Variants in TMEM221 observed in about 807,000 individuals in gnomAD.
TMEM221 encodes the protein transmembrane protein 221.
In TMEM221, 11 loss-of-function variants were observed where a neutral mutation model predicts 10.2. That is an observed-to-expected ratio of 1.08 (90% confidence interval 0.68 to 1.79). The LOEUF is 1.79. TMEM221 is among the 40% of genes most tolerant of loss of function. The pLI is 0.00. For missense variants in TMEM221, 382 were observed against 417.7 expected, an observed-to-expected ratio of 0.91 and a Z score of 0.75; for synonymous variants, 172 against 199.8, an observed-to-expected ratio of 0.86 and a Z score of 1.18.
chr19:17,448,399 C>G lies in TMEM221; in HGVS notation c.64G>C (p.Val22Leu). ...AGCTGCGCGCCCAGCGCCGCCAGCA[C>G]GGCCGCCGCGATGCCCAGCAGGGTC... ...AMTLLGIAAA[V>L]LAALGAQLLF... Residue 22 changes from valine to leucine, a missense_variant, in exon 1 of 3, where the codon GTG becomes CTG. By Grantham distance (32) the Val-to-Leu change is conservative. Coordinates refer to ENST00000341130, the MANE Select transcript of TMEM221 (RefSeq NM_001190844.2). This position sits in a 1 kb window ranked among gnomAD's most constrained non-coding sequence, Gnocchi z 4.7. The G allele has an allele frequency of 1.4e-6, 2 of 1,460,142 alleles. No individual in the cohort carries two copies. The highest frequency in any genetic ancestry group is 1.8e-6 in the Non-Finnish European group (2 of 1,111,432). The allele number at this position is 1,460,142 out of a possible 1,614,324, so 90.4% of individuals were successfully genotyped here.
chr19:17,443,082 C>G (rs902749127), intron 2 of TMEM221, among the ~76,000 whole-genome samples: 3 of 151,688 alleles, frequency 2.0e-5, no homozygotes, highest in African/African-American at 4.8e-5. Context: ...AGATCGTAGA[C>G]CATCCTGGCT....
chr19:17,448,544 G>A lies in TMEM221; in HGVS notation c.-82C>T, dbSNP rs1252714306. ...GCAGGGGAGTTGGGGGGAATCCGAG[G>A]GTCCTCAGGGGGTCCCCGAGGGGGC... On this transcript the variant is annotated 5_prime_UTR_variant, in exon 1 of 3. Coordinates refer to ENST00000341130, the MANE Select transcript of TMEM221 (RefSeq NM_001190844.2). The surrounding 1 kb of genome is among the most constrained non-coding windows in gnomAD (Gnocchi z 4.7). 1.8e-6 allele frequency: 2 copies of A among 1,137,674 alleles called. No individual in the cohort carries two copies. The highest frequency in any genetic ancestry group is 1.1e-6 in the Non-Finnish European group (1 of 869,596). 70.5% of individuals were successfully genotyped at this position (1,137,674 alleles called of 1,614,324 possible).
chr19:17,441,211 G>GAAAAAA (rs569733675), intron 2 of TMEM221, among the ~76,000 whole-genome samples: 2 of 51,782 alleles, frequency 3.9e-5, no homozygotes, highest in Non-Finnish European at 1.0e-4. Flanking sequence ...CCATCTCAGA[G>GAAAAAA]AAAAAAAAAA....
chr19:17,436,879 G>A lies in TMEM221; in HGVS notation c.455C>T (p.Ala152Val). The change falls in exon 3 of 3, where the codon GCA becomes GTA. Residue 152 changes from alanine to valine, a missense_variant. Physicochemically the swap from Ala to Val is moderately conservative, Grantham distance 64. Coordinates refer to ENST00000341130, the MANE Select transcript of TMEM221 (RefSeq NM_001190844.2). ...LLLFEIETGA[A>V]AASILGSGTL... ...GCCCGAGCCGAGGATGGAAGCAGCT[G>A]CTGCGCCTGTCTCGATCTCGAAAAG... The A allele has an allele frequency of 6.9e-7, 1 of 1,442,366 alleles. No homozygotes were observed. Among genetic ancestry groups the A allele is most frequent in the East Asian group, 2.5e-5 (1 of 39,900 alleles). The allele number at this position is 1,442,366 out of a possible 1,614,324, so 89.3% of individuals were successfully genotyped here.
intron 1 of TMEM221, among the ~76,000 whole-genome samples, chr19:17,446,720 G>A (rs1211177647): frequency 7.2e-5 from 11 of 151,838 alleles, no homozygotes; most frequent in Admixed American, 7.2e-4. Context: ...ATTACCATCT[G>A]CTATTATTAT....
At chr19:17,441,980 G>A (rs73517972) in intron 2 of TMEM221, among the ~76,000 whole-genome samples, 9,653 of 152,076 alleles carry the variant, frequency 0.063, 934 homozygotes, top group African/African-American at 0.21. Context: ...CTAAATGGGA[G>A]GTGAATGAAT....
At chr19:17,444,214 G>A (rs1174092532) in intron 2 of TMEM221, among the ~76,000 whole-genome samples, 1 of 150,380 alleles carries the variant, frequency 6.6e-6, no homozygotes, top group Non-Finnish European at 1.5e-5. Context: ...CTGAGTGGCT[G>A]ATATTATAGG....
intron 2 of TMEM221, among the ~76,000 whole-genome samples, chr19:17,437,292 G>A (rs899282387): frequency 6.6e-6 from 1 of 152,230 alleles, no homozygotes; most frequent in Admixed American, 6.5e-5. Flanking sequence ...GCTTCCCTGA[G>A]GAGGAGCTAT....
intron 2 of TMEM221, among the ~76,000 whole-genome samples, chr19:17,443,958 C>T (rs2074941848): frequency 6.9e-6 from 1 of 144,238 alleles, no homozygotes; most frequent in African/African-American, 2.5e-5. Flanking sequence ...CAGTGTGATG[C>T]GTTCCAGCAT....
chr19:17,439,322 C>T (rs921550924), intron 2 of TMEM221, among the ~76,000 whole-genome samples: 2 of 151,872 alleles, frequency 1.3e-5, no homozygotes, highest in Non-Finnish European at 2.9e-5. Context: ...AGGAAAACAT[C>T]GTTCTGAGTG....
At position 17,448,546 on chromosome 19, in the gene TMEM221, T is replaced by C; in HGVS notation, c.-84A>G. ...AGGGGAGTTGGGGGGAATCCGAGGG[T>C]CCTCAGGGGGTCCCCGAGGGGGCGG... On this transcript the variant is annotated 5_prime_UTR_variant, in exon 1 of 3. Transcript: ENST00000341130. This position sits in a 1 kb window ranked among gnomAD's most constrained non-coding sequence, Gnocchi z 4.7. 2 of 927,314 alleles carry C rather than the reference T, an allele frequency of 2.2e-6. No individual in the cohort carries two copies. The highest frequency in any genetic ancestry group is 5.8e-5 in the East Asian group (1 of 17,278). The allele number at this position is 927,314 out of a possible 1,614,324, so 57.4% of individuals were successfully genotyped here.
intron 2 of TMEM221, among the ~76,000 whole-genome samples, chr19:17,442,445 T>TC (rs1303459878): frequency 2.0e-5 from 3 of 146,458 alleles, no homozygotes; most frequent in Non-Finnish European, 4.6e-5. Context: ...TTTCTTTCTT[T>TC]TTTTTTTTTT....
intron 1 of TMEM221, among the ~76,000 whole-genome samples, chr19:17,447,931 C>T (rs1361297482): frequency 6.6e-6 from 1 of 152,102 alleles, no homozygotes; most frequent in Non-Finnish European, 1.5e-5. Context: ...AGTGGTTGCA[C>T]CTGCTGCAAA....
Position 17,436,810 on chromosome 19 carries a change from G to A in TMEM221, c.524C>T (p.Ala175Val). 1 of 1,507,238 alleles carries A rather than the reference G, an allele frequency of 6.6e-7. No individual in the cohort carries two copies. The highest frequency in any genetic ancestry group is 1.3e-5 in the South Asian group (1 of 79,780). The allele number at this position is 1,507,238 out of a possible 1,614,324, so 93.4% of individuals were successfully genotyped here. ...VAVLTHTLLR[A>V]ARAARRGLHE... ...GAGCCCACGGCGGGCAGCCCGGGCA[G>A]CCCGGAGGAGAGTGTGGGTCAGCAC... is the stretch of plus-strand genomic sequence containing the variant. Residue 175 changes from alanine (A) to valine (V), a missense_variant, in exon 3 of 3, where the codon GCT (alanine) becomes GTT (valine). By Grantham distance (64) the Ala-to-Val change is moderately conservative. Coordinates refer to ENST00000341130, the MANE Select transcript of TMEM221 (RefSeq NM_001190844.2).
chr19:17,446,205 T>TCCATCCATCC (rs1568399303), intron 1 of TMEM221, among the ~76,000 whole-genome samples: 13 of 110,546 alleles, frequency 1.2e-4, no homozygotes, highest in African/African-American at 2.9e-4. Context: ...TCCATCCATC[T>TCCATCCATCC]ATCCATCCAT....
At chr19:17,441,534 G>A (rs1301080773) in intron 2 of TMEM221, among the ~76,000 whole-genome samples, 1 of 152,194 alleles carries the variant, frequency 6.6e-6, no homozygotes, top group Non-Finnish European at 1.5e-5. Context: ...ATTGGACCAA[G>A]CTCAGCCAAT....
chr19:17,443,596 A>G (rs979834163), intron 2 of TMEM221, among the ~76,000 whole-genome samples: 11 of 151,968 alleles, frequency 7.2e-5, no homozygotes, highest in Non-Finnish European at 1.6e-4. Context: ...TTGGCCTCCC[A>G]AAGTGCTGGG....
chr19:17,448,045 C>G lies in TMEM221; in HGVS notation c.320+98G>C. The G allele has an allele frequency of 9.8e-7, 1 of 1,021,126 alleles. No homozygotes were observed. 63.3% of individuals were successfully genotyped at this position (1,021,126 alleles called of 1,614,324 possible). The stretch of plus-strand genomic sequence containing the variant: ...GGGGAGAGGGAAGTGGGGAGGGAAG[C>G]TGTCCCCCCAGCCTGAGGCCAAAAG... On this transcript the variant is annotated intron_variant, in intron 1 of 2. Transcript: ENST00000341130. The surrounding 1 kb of genome is among the most constrained non-coding windows in gnomAD (Gnocchi z 4.7).
At chr19:17,443,327 T>G (rs1206371662) in intron 2 of TMEM221, among the ~76,000 whole-genome samples, 1 of 151,324 alleles carries the variant, frequency 6.6e-6, no homozygotes. Context: ...ATTTATTTAT[T>G]TATTTATTTA....
Sources: gnomAD v4.1 joint callset for allele counts (sites outside exome capture counted in the v4.1 genomes callset) on GRCh38, gnomAD v4.1.1 for gene constraint, Gnocchi (gnomAD v3.1) non-coding constraint, MANE v1.5 for transcripts, NCBI Gene and HGNC (gene_info 2026-07-23, HGNC 2026-07-21) for gene names.